The following OSBPL10 variants were observed in gnomAD, a reference collection of about 807,000 sequenced individuals.
OSBPL10 encodes the protein oxysterol binding protein like 10, also known as oxysterol-binding protein-related protein 10.
A neutral mutation model predicts 81.7 loss-of-function variants in OSBPL10; 49 were observed. That is an observed-to-expected ratio of 0.60 (90% CI 0.48 to 0.76). The LOEUF is 0.76. OSBPL10 is among the 30% of genes least tolerant of loss of function. OSBPL10 has a pLI of 0.00. For synonymous variants in OSBPL10, 419 were observed against 383.6 expected (o/e 1.09, Z -1.08); for missense variants, 923 against 987.8 (o/e 0.93, Z 0.88).
At chr3:31,916,543 G>A (rs1184990073) in intron 1 of OSBPL10, among the ~76,000 whole-genome samples, 1 of 152,074 alleles carries the variant, frequency 6.6e-6, no homozygotes, top group Admixed American at 6.5e-5. Context: ...ACTCTAAATT[G>A]ACTCTTAGTC....
In OSBPL10 at chr3:31,862,214, T is replaced by G. The variant is rs757763615; in HGVS notation, c.537+14219A>C. 1.1e-3 allele frequency among the ~76,000 whole-genome samples: 166 copies of G among 152,288 alleles called. 1 individual carries two copies. The Middle Eastern group carries it at 0.014, about 12-fold the overall frequency. On this transcript the variant is annotated intron_variant, in intron 3 of 11. Coordinates refer to ENST00000396556, the MANE Select transcript of OSBPL10 (RefSeq NM_017784.5). ...TTTTTTTAAAGAAAAAAATAGCACC[T>G]GCCTTTTGATGGGAATGCTGACAGG... is the stretch of plus-strand genomic sequence containing the variant.
Position 31,981,136 on chromosome 3 carries a change from T to C in OSBPL10, c.44A>G (p.Asn15Ser). The C allele has an allele frequency of 6.7e-7, 1 of 1,491,366 alleles. No homozygotes were observed. Among genetic ancestry groups the C allele is most frequent in the Non-Finnish European group, 8.9e-7 (1 of 1,125,560 alleles). The allele number at this position is 1,491,366 out of a possible 1,614,324, so 92.4% of individuals were successfully genotyped here. A position where few individuals can be genotyped will look rare whatever the true frequency, so the allele number is the denominator to read the frequency against. Residue 15 changes from asparagine to serine, a missense_variant, in exon 1 of 12, where the codon AAC (asparagine) becomes AGC (serine). By Grantham distance (46) the Asn-to-Ser change is conservative. This residue lies in a region of OSBPL10 where 514 missense variants were observed against 508.0 expected (regional missense o/e 1.01). Coordinates refer to ENST00000396556, the MANE Select transcript of OSBPL10 (RefSeq NM_017784.5). This position sits in a 1 kb window ranked among gnomAD's most constrained non-coding sequence, Gnocchi z 4.5. ...ACGGCTGCTGCTGCGGCTGCTGCTG[T>C]TGCTACCCCCGCCGCCGTCTGTGCC... ...VQGTDGGGGS[N>S]SSSRSSSRAT... is the part of the protein sequence containing the mutation.
intron 6 of OSBPL10, among the ~76,000 whole-genome samples, chr3:31,715,201 T>C (rs1696395305): frequency 6.6e-6 from 1 of 152,166 alleles, no homozygotes; most frequent in Admixed American, 6.5e-5. Flanking sequence ...TTTAAAATAA[T>C]TAAAATTAAA....
At chr3:32,032,006 C>A (rs970298182) in intron 2 of OSBPL10, among the ~76,000 whole-genome samples, 1 of 152,130 alleles carries the variant, frequency 6.6e-6, no homozygotes, top group Non-Finnish European at 1.5e-5. Context: ...TTAAGGCTGA[C>A]CAGGCATGGT....
intron 7 of OSBPL10, among the ~76,000 whole-genome samples, chr3:31,690,349 C>G (rs765527756): frequency 6.6e-6 from 1 of 152,144 alleles, no homozygotes; most frequent in Non-Finnish European, 1.5e-5. Flanking sequence ...TTCCTGAGGC[C>G]TCCCCAGAAC....
At chr3:31,941,809 T>A (rs1303091876) in intron 1 of OSBPL10, among the ~76,000 whole-genome samples, 1 of 152,232 alleles carries the variant, frequency 6.6e-6, no homozygotes, top group East Asian at 1.9e-4. Context: ...AGTAAAGATC[T>A]TCCTCTAGCA....
At position 31,748,034 on chromosome 3, in the gene OSBPL10, G is replaced by T; in HGVS notation, c.816C>A (p.Asp272Glu). Residue 272 changes from aspartate (D) to glutamate (E), a missense_variant, in exon 5 of 12, where the codon GAC becomes GAA. Around this residue, in one of 3 missense-constraint regions of OSBPL10, gnomAD observed 514 missense variants for 508.0 expected, o/e 1.01. Coordinates refer to ENST00000396556, the MANE Select transcript of OSBPL10 (RefSeq NM_017784.5). Reference protein sequence around the residue: ...LPGSGPLTALDQDLLLLKATS... With the variant: ...LPGSGPLTALEQDLLLLKATS... ...TAGCTTTCAGGAGCAGCAGGTCCTG[G>T]TCCAAGGCAGTGAGGGGGCCGGACC... 1.2e-6 allele frequency: 2 copies of T among 1,614,180 alleles called. No individual in the cohort carries two copies.
intron 1 of OSBPL10, among the ~76,000 whole-genome samples, chr3:31,901,691 C>A (rs766635659): frequency 9.2e-5 from 14 of 152,160 alleles, no homozygotes; most frequent in Non-Finnish European, 1.6e-4. Context: ...TCCTTCAGGG[C>A]GGAACCACAT....
At chr3:31,680,679 G>A (rs933166485) in intron 8 of OSBPL10, among the ~76,000 whole-genome samples, 2 of 152,182 alleles carry the variant, frequency 1.3e-5, no homozygotes, top group Non-Finnish European at 2.9e-5. Flanking sequence ...ACTCGGGCTG[G>A]AGTGGACTTG....
chr3:31,670,968 A>G lies in OSBPL10; in HGVS notation c.1742T>C (p.Leu581Pro). Residue 581 changes from leucine to proline, a missense_variant, in exon 9 of 12, where the codon CTG becomes CCG. Around this residue, in one of 3 missense-constraint regions of OSBPL10, gnomAD observed 387 missense variants for 436.3 expected, o/e 0.89. Transcript: ENST00000396556. ...GAATACGTACTCCTCCCCGTGTTCC[A>G]GGAGCCTCAACACACCTCCAGGGAG... ...SMIGEGVLRL[L>P]EHGEEYVFTL... The G allele has an allele frequency of 6.2e-7, 1 of 1,612,670 alleles. No homozygotes were observed. The highest frequency in any genetic ancestry group is 8.5e-7 in the Non-Finnish European group (1 of 1,179,180).
intron 4 of OSBPL10, among the ~76,000 whole-genome samples, chr3:31,765,942 T>C (rs910663809): frequency 6.6e-6 from 1 of 151,910 alleles, no homozygotes; most frequent in Non-Finnish European, 1.5e-5. Context: ...GCCCAGAAAC[T>C]ACTTGAAAGA....
chr3:31,807,414 T>C (rs1699548280), intron 4 of OSBPL10, among the ~76,000 whole-genome samples: 1 of 150,462 alleles, frequency 6.6e-6, no homozygotes, highest in Admixed American at 6.6e-5. Flanking sequence ...AGATTCACTC[T>C]GCATGCTGTG....
intron 1 of OSBPL10, among the ~76,000 whole-genome samples, chr3:32,067,098 A>T (rs1699786439): frequency 6.6e-6 from 1 of 152,172 alleles, no homozygotes; most frequent in South Asian, 2.1e-4. Context: ...AAGCAACCTT[A>T]TAAAAACTGA....
At chr3:32,003,693 G>T (rs1300228955) in intron 2 of OSBPL10, among the ~76,000 whole-genome samples, 1 of 152,170 alleles carries the variant, frequency 6.6e-6, no homozygotes, top group Non-Finnish European at 1.5e-5. Flanking sequence ...AAAGGGCAAG[G>T]ATTTAATTGG....
intron 3 of OSBPL10, among the ~76,000 whole-genome samples, chr3:31,871,055 G>A (rs1184699925): frequency 1.3e-5 from 2 of 152,158 alleles, no homozygotes; most frequent in Non-Finnish European, 2.9e-5. Context: ...CAATCAGCAG[G>A]ACGTGGGTGG....
At chr3:31,786,206 C>T (rs1466350093) in intron 4 of OSBPL10, among the ~76,000 whole-genome samples, 2 of 152,166 alleles carry the variant, frequency 1.3e-5, no homozygotes, top group Non-Finnish European at 2.9e-5. Context: ...AAATTGGTCT[C>T]TCATCTATGT....
At chr3:32,057,218 T>C (rs1367142078) in intron 1 of OSBPL10, among the ~76,000 whole-genome samples, 1 of 152,238 alleles carries the variant, frequency 6.6e-6, no homozygotes, top group Non-Finnish European at 1.5e-5. Flanking sequence ...TTGCTGTGTC[T>C]ATGGAGTAGC....
chr3:31,741,170 A>G (rs561535073), intron 5 of OSBPL10, among the ~76,000 whole-genome samples: 4 of 152,344 alleles, frequency 2.6e-5, no homozygotes, highest in East Asian at 1.9e-4. Flanking sequence ...CCAAAATAGA[A>G]TAAGATTGAA....
chr3:31,732,153 G>C (rs926419244), intron 6 of OSBPL10, among the ~76,000 whole-genome samples: 2 of 152,150 alleles, frequency 1.3e-5, no homozygotes, highest in African/African-American at 2.4e-5. Context: ...AGCTGCATGA[G>C]TTTCTTGACC....
Sources: gnomAD v4.1 joint callset for allele counts (sites outside exome capture counted in the v4.1 genomes callset) on GRCh38, gnomAD v4.1.1 for gene constraint, gnomAD v4.1.1 regional missense constraint, Gnocchi (gnomAD v3.1) non-coding constraint, MANE v1.5 for transcripts, NCBI Gene and HGNC (gene_info 2026-07-23, HGNC 2026-07-21) for gene names.